Variants in GALNT18 observed in about 807,000 individuals in gnomAD.
The protein encoded by GALNT18 is polypeptide N-acetylgalactosaminyltransferase 18, also known as GalNAc-transferase 18.
In GALNT18, 44 loss-of-function variants were observed where a neutral mutation model predicts 69.5. The ratio of observed to expected loss-of-function variants is 0.63; its 90% confidence interval spans 0.50 to 0.81. GALNT18 has a LOEUF of 0.81. Among genes scored for constraint, GALNT18 ranks in the 40% least tolerant of loss-of-function variants. The pLI is 0.00. For synonymous variants in GALNT18, 364 were observed against 318.2 expected (o/e 1.14, Z -1.53); for missense variants, 715 against 810.0 (o/e 0.88, Z 1.42).
chr11:11,509,689 TA>T (rs1857131905), intron 1 of GALNT18, among the ~76,000 whole-genome samples: 1 of 152,168 alleles, frequency 6.6e-6, no homozygotes, highest in South Asian at 2.1e-4. Flanking sequence ...TCATCAGAAA[TA>T]AATAGAGGCC....
intron 8 of GALNT18, among the ~76,000 whole-genome samples, chr11:11,331,881 C>A (rs989339369): frequency 6.6e-6 from 1 of 152,138 alleles, no homozygotes; most frequent in African/African-American, 2.4e-5. Context: ...ATTTAAAATA[C>A]CTTACGGCAT....
chr11:11,312,419 C>T (rs1849687204), intron 9 of GALNT18, among the ~76,000 whole-genome samples: 1 of 152,232 alleles, frequency 6.6e-6, no homozygotes, highest in South Asian at 2.1e-4. Context: ...TAAGAAATCA[C>T]AAAGATGAGA....
chr11:11,567,818 T>TA (rs1858689385), intron 1 of GALNT18, among the ~76,000 whole-genome samples: 1 of 152,232 alleles, frequency 6.6e-6, no homozygotes, highest in Admixed American at 6.5e-5. Flanking sequence ...AAAGACTATG[T>TA]CCTAGGGAGA....
At chr11:11,456,518 C>G (rs886364884) in intron 1 of GALNT18, among the ~76,000 whole-genome samples, 23 of 152,222 alleles carry the variant, frequency 1.5e-4, no homozygotes, top group Admixed American at 1.5e-3. Context: ...TGCTCTGGCC[C>G]TTTTCTTGGA....
At chr11:11,407,878 G>A (rs1044187941) in intron 3 of GALNT18, among the ~76,000 whole-genome samples, 7 of 152,196 alleles carry the variant, frequency 4.6e-5, no homozygotes, top group African/African-American at 1.4e-4. Flanking sequence ...CCAGGGCAGA[G>A]CTCCCAGCTG....
At position 11,614,124 on chromosome 11, in the gene GALNT18, T is replaced by C. The variant is rs1163689640; in HGVS notation, c.235+7235A>G. ...AAGACCCAAATCAAGACAATAGCTT[T>C]GTATTAGTCCATTTTGCATTGCTAT... On this transcript the variant is annotated intron_variant, in intron 1 of 10. Coordinates refer to ENST00000227756, the MANE Select transcript of GALNT18 (RefSeq NM_198516.3). The surrounding 1 kb of genome is among the most constrained non-coding windows in gnomAD (Gnocchi z 5.6). Among the ~76,000 whole-genome samples, 1 of 152,168 alleles carries C rather than the reference T, an allele frequency of 6.6e-6. No individual in the cohort carries two copies. Among genetic ancestry groups the C allele is most frequent in the Non-Finnish European group, 1.5e-5 (1 of 68,030 alleles).
intron 10 of GALNT18, among the ~76,000 whole-genome samples, chr11:11,280,989 C>T (rs1388860959): frequency 6.6e-6 from 1 of 152,216 alleles, no homozygotes; most frequent in African/African-American, 2.4e-5. Context: ...ACCCTGTGGC[C>T]TGGGCATATC....
rs72858928 is a variant in GALNT18 at position 11,410,738 on chromosome 11, T to C, written c.595+21883A>G. ...TTAGTTGAACGATGGCTGTCTAATT[T>C]TATGGCTCAGAACTGGTGGCTCCTG... On this transcript the variant is annotated intron_variant, in intron 3 of 10. Coordinates refer to ENST00000227756, the MANE Select transcript of GALNT18 (RefSeq NM_198516.3). Among the ~76,000 whole-genome samples, 1,142 of 152,290 alleles carry C rather than the reference T, an allele frequency of 7.5e-3. 10 individuals carry two copies. The highest frequency in any genetic ancestry group is 0.012 in the Non-Finnish European group (812 of 68,022).
chr11:11,499,819 G>T (rs1210440833), intron 1 of GALNT18, among the ~76,000 whole-genome samples: 2 of 152,222 alleles, frequency 1.3e-5, no homozygotes, highest in African/African-American at 4.8e-5. Context: ...AATTGTTGGG[G>T]TTGGGGTGGC....
At chr11:11,449,569 C>T (rs972662814) in intron 1 of GALNT18, among the ~76,000 whole-genome samples, 13 of 152,224 alleles carry the variant, frequency 8.5e-5, no homozygotes, top group South Asian at 2.1e-4. Flanking sequence ...GCCTGCCCTG[C>T]GCTCTGGGCC....
chr11:11,567,493 T>C (rs1858682058), intron 1 of GALNT18, among the ~76,000 whole-genome samples: 1 of 152,152 alleles, frequency 6.6e-6, no homozygotes, highest in Admixed American at 6.5e-5. Context: ...TGGCAAGTGG[T>C]GAGGGGAGGG....
intron 8 of GALNT18, among the ~76,000 whole-genome samples, chr11:11,330,943 C>T (rs1412588797): frequency 2.0e-5 from 3 of 152,200 alleles, no homozygotes; most frequent in African/African-American, 7.2e-5. Flanking sequence ...AATCCAGAAG[C>T]TTGCCCTGGC....
intron 9 of GALNT18, among the ~76,000 whole-genome samples, chr11:11,299,206 A>G (rs957357859): frequency 6.6e-5 from 10 of 152,130 alleles, no homozygotes; most frequent in East Asian, 3.9e-4. Context: ...GTGCAGTGGC[A>G]TGATCTCAGC....
rs1342247674 is a variant in GALNT18, at chr11:11,419,619, A to AAAG, written c.595+13001_595+13002insCTT. Among the ~76,000 whole-genome samples the AAAG allele has an allele frequency of 1.1e-3, 138 of 128,442 alleles. 1 individual carries two copies. The highest frequency in any genetic ancestry group is 1.6e-3 in the Non-Finnish European group (96 of 60,030). The allele number at this position is 128,442 out of a possible 152,430, so 84.3% of individuals were successfully genotyped here. On this transcript the variant is annotated intron_variant, in intron 3 of 10. Coordinates refer to ENST00000227756, the MANE Select transcript of GALNT18 (RefSeq NM_198516.3). ...CTCAAAAAAAAAAAAAAAAAAAAAA[A>AAAG]AAAGAAAGAAGGAAAAGAAACCATG...
chr11:11,387,003 C>T lies in GALNT18; in HGVS notation c.596-7739G>A, dbSNP rs73419788. ...CAAGACTCTCCAGGTGAGATTCTGA[C>T]GGATGGGCCAAACTTGGTTACAACT... On this transcript the variant is annotated intron_variant, in intron 3 of 10. Transcript: ENST00000227756. This position sits in a 1 kb window ranked among gnomAD's most constrained non-coding sequence, Gnocchi z 4.6. Among the ~76,000 whole-genome samples the T allele has an allele frequency of 0.11, 16,895 of 152,236 alleles. 1,046 individuals carry two copies. Among genetic ancestry groups the T allele is most frequent in the Middle Eastern group, 0.27 (78 of 294 alleles).
At chr11:11,491,469 G>C (rs79057985) in intron 1 of GALNT18, among the ~76,000 whole-genome samples, 1,535 of 152,262 alleles carry the variant, frequency 0.01, 27 homozygotes, top group African/African-American at 0.032. Flanking sequence ...TAAAGCCTGG[G>C]TTTTAAAAAG....
At chr11:11,458,186 G>A (rs759957014) in intron 1 of GALNT18, among the ~76,000 whole-genome samples, 1 of 152,206 alleles carries the variant, frequency 6.6e-6, no homozygotes, top group Admixed American at 6.5e-5. Context: ...CTTGTGAGAT[G>A]GAAACCGACT....
intron 1 of GALNT18, among the ~76,000 whole-genome samples, chr11:11,471,950 C>T (rs769456492): frequency 5.3e-5 from 8 of 152,160 alleles, no homozygotes; most frequent in African/African-American, 1.9e-4. Context: ...AAGAGCTGGT[C>T]AGAGAGTGAT....
At position 11,358,281 on chromosome 11, in the gene GALNT18, T is replaced by A. The variant is rs184049170; in HGVS notation, c.1092+14234A>T. On this transcript the variant is annotated intron_variant, in intron 6 of 10. Transcript: ENST00000227756. ...CATGTTACAAGGAATATAATACATC[T>A]TCACTGTATGAATGAATAGACAGAT... Among the ~76,000 whole-genome samples the A allele has an allele frequency of 6.1e-3, 861 of 140,976 alleles. 137 individuals are homozygous for A. Among genetic ancestry groups the A allele is most frequent in the African/African-American group, 0.021 (820 of 38,264 alleles). 92.5% of individuals were successfully genotyped at this position (140,976 alleles called of 152,430 possible). A position where few individuals can be genotyped will look rare whatever the true frequency, so the allele number is the denominator to read the frequency against.
Sources: gnomAD v4.1 joint callset for allele counts (sites outside exome capture counted in the v4.1 genomes callset) on GRCh38, gnomAD v4.1.1 for gene constraint, Gnocchi (gnomAD v3.1) non-coding constraint, MANE v1.5 for transcripts, NCBI Gene and HGNC (gene_info 2026-07-23, HGNC 2026-07-21) for gene names.